The following ROS1 variants were observed in gnomAD, a reference collection of about 807,000 sequenced individuals.
The protein encoded by ROS1 is ROS proto-oncogene 1, receptor tyrosine kinase, also known as proto-oncogene tyrosine-protein kinase ROS.
Under a neutral mutation model 273.5 loss-of-function variants are expected in ROS1, and 263 were observed. The ratio of observed to expected loss-of-function variants is 0.96; its 90% confidence interval spans 0.87 to 1.06. ROS1 has a LOEUF of 1.06. Among genes scored for constraint, ROS1 ranks in the 50% least tolerant of loss-of-function variants. ROS1 has a pLI of 0.00. For missense variants in ROS1, 2,833 were observed against 2,751.1 expected, an observed-to-expected ratio of 1.03 and a Z score of -0.67; for synonymous variants, 1,008 against 954.1, an observed-to-expected ratio of 1.06 and a Z score of -1.04.
At chr6:117,357,700 C>A in intron 25 of ROS1, 104 bp downstream of exon 25, 1 of 770,802 alleles carries the variant, frequency 1.3e-6, no homozygotes, top group Admixed American at 2.7e-5. Context: ...CCCTAAGCAT[C>A]TTATTTTTCC....
At chr6:117,403,706 T>C (rs986723978) in intron 6 of ROS1, among the ~76,000 whole-genome samples, 1 of 152,164 alleles carries the variant, frequency 6.6e-6, no homozygotes, top group Non-Finnish European at 1.5e-5. Context: ...GGGCAGATAA[T>C]GACTAATGAG....
chr6:117,382,012 C>A (rs770079316), intron 17 of ROS1, among the ~76,000 whole-genome samples: 1 of 152,052 alleles, frequency 6.6e-6, no homozygotes, highest in Non-Finnish European at 1.5e-5. Flanking sequence ...CTCAAACAAC[C>A]ATATCAGAAC....
At chr6:117,291,892 G>A (rs768842669) in intron 43 of ROS1, among the ~76,000 whole-genome samples, 52 of 152,116 alleles carry the variant, frequency 3.4e-4, no homozygotes, top group Non-Finnish European at 1.9e-4. Context: ...GAGACTTCAA[G>A]TAGAACCTAA....
chr6:117,352,735 CAG>C (rs1392645422), intron 27 of ROS1, among the ~76,000 whole-genome samples: 1 of 152,106 alleles, frequency 6.6e-6, no homozygotes, highest in African/African-American at 2.4e-5. Context: ...AGAGGCCAGG[CAG>C]AGAGAACAAC....
chr6:117,419,789 T>C (rs1311390261), intron 1 of ROS1, among the ~76,000 whole-genome samples: 1 of 152,220 alleles, frequency 6.6e-6, no homozygotes, highest in Non-Finnish European at 1.5e-5. Flanking sequence ...TATTTCTTGA[T>C]GATCATAGTC....
In ROS1 at chr6:117,288,354, A is replaced by T; in HGVS notation, c.*138T>A. On this transcript the variant is annotated 3_prime_UTR_variant, in exon 44 of 44. Transcript: ENST00000368507. ...TGAAACCAAATGGCTCTCAGAACCA[A>T]GATTAGAAATCAGGAACGTTGCATT... The T allele has an allele frequency of 1.2e-6, 1 of 827,796 alleles. No homozygotes were observed. The highest frequency in any genetic ancestry group is 1.9e-6 in the Non-Finnish European group (1 of 539,818). The allele number at this position is 827,796 out of a possible 1,614,324, so 51.3% of individuals were successfully genotyped here. A position where few individuals can be genotyped will look rare whatever the true frequency, so the allele number is the denominator to read the frequency against.
chr6:117,344,232 G>C lies in ROS1; in HGVS notation c.4334C>G (p.Thr1445Ser). 6.2e-7 allele frequency: 1 copy of C among 1,613,940 alleles called. No individual in the cohort carries two copies. Among genetic ancestry groups the C allele is most frequent in the Non-Finnish European group, 8.5e-7 (1 of 1,179,882 alleles). ...DKAFLSLASD[T>S]VEPTILNATN... ...GGCATTAAGTATAGTTGGTTCCACA[G>C]TGTCTGAAGCTAGAGACAGAAACGC... Residue 1445 changes from threonine to serine, a missense_variant, in exon 28 of 44, where the codon ACT (threonine) becomes AGT (serine). Physicochemically the swap from Thr to Ser is moderately conservative, Grantham distance 58. Transcript: ENST00000368507.
intron 13 of ROS1, 127 bp from the exon 14 acceptor site, chr6:117,388,119 A>G: frequency 1.5e-6 from 2 of 1,375,682 alleles, no homozygotes. Context: ...AATATCCGCT[A>G]CCCCGATAAT....
chr6:117,380,408 A>C (rs1429776205), intron 17 of ROS1, among the ~76,000 whole-genome samples: 1 of 152,058 alleles, frequency 6.6e-6, no homozygotes, highest in Non-Finnish European at 1.5e-5. Context: ...CAACCAACTT[A>C]TTCTCCAGAA....
intron 5 of ROS1, among the ~76,000 whole-genome samples, chr6:117,405,174 T>A (rs918755725): frequency 1.3e-5 from 2 of 152,172 alleles, no homozygotes; most frequent in African/African-American, 4.8e-5. Context: ...GCATGGTAAA[T>A]TTGGTAGGGA....
intron 27 of ROS1, among the ~76,000 whole-genome samples, chr6:117,349,230 G>A (rs1778611582): frequency 6.6e-6 from 1 of 151,810 alleles, no homozygotes; most frequent in Non-Finnish European, 1.5e-5. Flanking sequence ...TCTATCAGTT[G>A]TTGCCTCATG....
intron 36 of ROS1, among the ~76,000 whole-genome samples, chr6:117,320,403 G>C (rs1776211715): frequency 1.3e-5 from 2 of 151,640 alleles, no homozygotes; most frequent in Admixed American, 1.3e-4. Context: ...AATGCATCTG[G>C]GTTTATAAGC....
chr6:117,344,676 C>G (rs1031520304), intron 27 of ROS1, among the ~76,000 whole-genome samples: 1 of 152,174 alleles, frequency 6.6e-6, no homozygotes, highest in African/African-American at 2.4e-5. Flanking sequence ...TCCCCCAACC[C>G]AGGAGGCGGA....
intron 43 of ROS1, among the ~76,000 whole-genome samples, chr6:117,291,601 G>T (rs1454236731): frequency 6.6e-6 from 1 of 152,164 alleles, no homozygotes; most frequent in Non-Finnish European, 1.5e-5. Context: ...GTATGATTAT[G>T]AGCAAGTCAC....
At chr6:117,417,842 C>T (rs542080264) in intron 2 of ROS1, among the ~76,000 whole-genome samples, 3 of 152,330 alleles carry the variant, frequency 2.0e-5, no homozygotes, top group South Asian at 4.1e-4. Flanking sequence ...AGTTTGAAGG[C>T]CTTGCAGGCA....
At chr6:117,408,745 C>T (rs1333804625) in intron 5 of ROS1, among the ~76,000 whole-genome samples, 1 of 152,104 alleles carries the variant, frequency 6.6e-6, no homozygotes, top group Non-Finnish European at 1.5e-5. Context: ...AATCATGCTG[C>T]TATAAAGACA....
chr6:117,312,387 A>G (rs1222786624), intron 39 of ROS1, among the ~76,000 whole-genome samples: 1 of 152,100 alleles, frequency 6.6e-6, no homozygotes, highest in Non-Finnish European at 1.5e-5. Flanking sequence ...TCTGGGGCTC[A>G]CTATTGCCAT....
intron 18 of ROS1, 107 bp from the exon 19 acceptor site, chr6:117,366,397 T>G: frequency 2.8e-6 from 2 of 717,296 alleles, no homozygotes; most frequent in African/African-American, 1.8e-5. Context: ...TACGCATTTG[T>G]GTACATTAAA....
chr6:117,418,382 C>T lies in ROS1; in HGVS notation c.168+80G>A, dbSNP rs919354390. On this transcript the variant is annotated intron_variant, in intron 2 of 43. Coordinates refer to ENST00000368507, the MANE Select transcript of ROS1 (RefSeq NM_001378902.1). ...ATGAGATTTTACTTAGCAATTCTTA[C>T]TGTGATAAAATCTGATCATTGTCCC... is the stretch of plus-strand genomic sequence containing the variant. 2.0e-5 allele frequency: 19 copies of T among 968,414 alleles called. No homozygotes were observed. In the African/African-American group the frequency reaches 2.0e-4, roughly 10 times the overall value. The allele number at this position is 968,414 out of a possible 1,614,324, so 60.0% of individuals were successfully genotyped here. A position where few individuals can be genotyped will look rare whatever the true frequency, so the allele number is the denominator to read the frequency against.
Sources: gnomAD v4.1 joint callset for allele counts (sites outside exome capture counted in the v4.1 genomes callset) on GRCh38, gnomAD v4.1.1 for gene constraint, MANE v1.5 for transcripts, NCBI Gene and HGNC (gene_info 2026-07-23, HGNC 2026-07-21) for gene names.